SEPTIN9: variants seen among roughly 807,000 people sequenced by gnomAD.
The protein encoded by SEPTIN9 is septin 9, also known as septin-9.
In SEPTIN9, 13 loss-of-function variants were observed where a neutral mutation model predicts 56.6. The observed-to-expected ratio is 0.23, with a 90% CI of 0.15 to 0.37. The LOEUF is 0.37. Among genes scored for constraint, SEPTIN9 ranks in the 10% least tolerant of loss-of-function variants. The pLI, the probability that SEPTIN9 is intolerant of heterozygous loss-of-function variation, is 1.00. For missense variants in SEPTIN9, 650 were observed against 823.1 expected (o/e 0.79, Z 2.57); for synonymous variants, 332 against 334.1 (o/e 0.99, Z 0.07).
chr17:77,325,397 C>T (rs2143680091), intron 2 of SEPTIN9, among the ~76,000 whole-genome samples: 1 of 152,304 alleles, frequency 6.6e-6, no homozygotes, highest in South Asian at 2.1e-4. Context: ...CAGCTGGTTC[C>T]GCTGGGTGGC....
At chr17:77,386,654 G>A (rs1470177068) in intron 2 of SEPTIN9, among the ~76,000 whole-genome samples, 1 of 152,188 alleles carries the variant, frequency 6.6e-6, no homozygotes, top group Admixed American at 6.5e-5. Context: ...GCCTGGGAGG[G>A]GCTAGTTGTC....
intron 2 of SEPTIN9, among the ~76,000 whole-genome samples, chr17:77,343,054 C>T (rs1322514253): frequency 7.3e-6 from 1 of 137,568 alleles, no homozygotes; most frequent in Non-Finnish European, 1.6e-5. Flanking sequence ...GTCTCTGTCC[C>T]CCAACTTTGT....
chr17:77,316,055 G>C (rs34065485), intron 2 of SEPTIN9, among the ~76,000 whole-genome samples: 2 of 152,080 alleles, frequency 1.3e-5, no homozygotes, highest in Non-Finnish European at 2.9e-5. Context: ...AACCAAGCCC[G>C]GCTCCCTCAC....
rs1288523185 is a variant in SEPTIN9, at chr17:77,493,038, G to A, written c.1535G>A (p.Arg512Lys). 6.4e-7 allele frequency: 1 copy of A among 1,566,358 alleles called. No individual in the cohort carries two copies. The highest frequency in any genetic ancestry group is 8.7e-7 in the Non-Finnish European group (1 of 1,155,898). The change falls in exon 10 of 12, where the codon AGG (arginine) becomes AAG (lysine). Residue 512 changes from arginine to lysine, a missense_variant. Physicochemically the swap from Arg to Lys is conservative, Grantham distance 26. Coordinates refer to ENST00000427177, the MANE Select transcript of SEPTIN9 (RefSeq NM_001113491.2). ...CACGAGTACCAGGTCAACGGCAAGA[G>A]GATCCTTGGGAGGAAGACCAAGTGG... ...SDHEYQVNGK[R>K]ILGRKTKWGT...
intron 2 of SEPTIN9, among the ~76,000 whole-genome samples, chr17:77,335,478 A>C (rs1230030167): frequency 6.6e-6 from 1 of 151,230 alleles, no homozygotes; most frequent in East Asian, 1.9e-4. Flanking sequence ...GTATATGTAC[A>C]TATATACATG....
intron 1 of SEPTIN9, among the ~76,000 whole-genome samples, chr17:77,287,567 G>A (rs1389015707): frequency 1.3e-5 from 2 of 152,222 alleles, no homozygotes; most frequent in South Asian, 2.1e-4. Flanking sequence ...TCTGCAGGGT[G>A]GCCTGGCCTT....
Position 77,499,833 on chromosome 17 carries a change from C to T in SEPTIN9, c.*1175C>T. The T allele has an allele frequency of 6.3e-6, 2 of 319,600 alleles. No homozygotes were observed. The highest frequency in any genetic ancestry group is 5.0e-5 in the South Asian group (1 of 20,088). 19.8% of individuals were successfully genotyped at this position (319,600 alleles called of 1,614,324 possible). On this transcript the variant is annotated 3_prime_UTR_variant, in exon 12 of 12. Transcript: ENST00000427177. ...GGCGAGCCTGACTCTGTTGATCTAC[C>T]CGTGCCTGGGCCCCTCCCCTCAGAG...
chr17:77,294,450 T>A (rs532197246), intron 1 of SEPTIN9: 73 of 159,186 alleles, frequency 4.6e-4, no homozygotes, highest in Non-Finnish European at 7.4e-4. Context: ...AGCGAATGAA[T>A]CTCCTTAGTT....
chr17:77,321,398 CTTT>C (rs770723911), intron 2 of SEPTIN9, among the ~76,000 whole-genome samples: 4 of 141,962 alleles, frequency 2.8e-5, no homozygotes, highest in African/African-American at 7.7e-5. Flanking sequence ...AGGGCCACAT[CTTT>C]TTTTTTTTTT....
chr17:77,498,698 A>G lies in SEPTIN9; in HGVS notation c.*40A>G. 4 of 1,257,926 alleles carry G rather than the reference A, an allele frequency of 3.2e-6. No homozygotes were observed. The highest frequency in any genetic ancestry group is 3.2e-6 in the Non-Finnish European group (3 of 925,552). 77.9% of individuals were successfully genotyped at this position (1,257,926 alleles called of 1,614,324 possible). On this transcript the variant is annotated 3_prime_UTR_variant, in exon 12 of 12. Transcript: ENST00000427177. Reference sequence around the variant, plus strand: ...ACCCCCGGGATCCTGCCCCCAAGTCATTTCCGTCCCCCCCCAGGCCCTCCC... The same window carrying G: ...ACCCCCGGGATCCTGCCCCCAAGTCGTTTCCGTCCCCCCCCAGGCCCTCCC...
At chr17:77,357,752 C>A (rs2034299201) in intron 2 of SEPTIN9, among the ~76,000 whole-genome samples, 1 of 152,098 alleles carries the variant, frequency 6.6e-6, no homozygotes, top group Admixed American at 6.6e-5. Context: ...GTAGCTGGGA[C>A]CGCAGGCATC....
Position 77,435,030 on chromosome 17 carries a change from C to A in SEPTIN9, c.721+32327C>A, listed in dbSNP as rs891298190. On this transcript the variant is annotated intron_variant, in intron 3 of 11. Coordinates refer to ENST00000427177, the MANE Select transcript of SEPTIN9 (RefSeq NM_001113491.2). This position sits in a 1 kb window ranked among gnomAD's most constrained non-coding sequence, Gnocchi z 4.5. ...GATGGTAACAAGGGCTTCCTGAGGACCCCGAGCTGTCTTAAGGGCTCTTTA... is the reference window on the plus strand; with the variant it reads ...GATGGTAACAAGGGCTTCCTGAGGAACCCGAGCTGTCTTAAGGGCTCTTTA... Among the ~76,000 whole-genome samples the A allele has an allele frequency of 6.6e-6, 1 of 152,144 alleles. No individual in the cohort carries two copies. Among genetic ancestry groups the A allele is most frequent in the Non-Finnish European group, 1.5e-5 (1 of 68,014 alleles).
rs934934493 is a variant in SEPTIN9, at chr17:77,315,761, G to A, written c.76+8564G>A. ...CGCCCTGCCAGGCCCAGCCTGTGCCGCTGAGCCCCACTTTGCAATTAAGAG... is the reference window on the plus strand; with the variant it reads ...CGCCCTGCCAGGCCCAGCCTGTGCCACTGAGCCCCACTTTGCAATTAAGAG... On this transcript the variant is annotated intron_variant, in intron 2 of 11. Coordinates refer to ENST00000427177, the MANE Select transcript of SEPTIN9 (RefSeq NM_001113491.2). Among the ~76,000 whole-genome samples the A allele has an allele frequency of 1.4e-4, 21 of 152,214 alleles. 1 individual carries two copies. The highest frequency in any genetic ancestry group is 1.1e-3 in the Admixed American group (17 of 15,280).
chr17:77,351,960 G>T (rs1598236149), intron 2 of SEPTIN9, among the ~76,000 whole-genome samples: 2 of 152,346 alleles, frequency 1.3e-5, no homozygotes, highest in East Asian at 3.9e-4. Flanking sequence ...GACCAGAGCC[G>T]GGGTGAGCAT....
chr17:77,380,070 G>A (rs985510811), intron 2 of SEPTIN9: 66 of 159,786 alleles, frequency 4.1e-4, no homozygotes, highest in African/African-American at 1.5e-3. Flanking sequence ...CCAGGCGCCT[G>A]GGGCATTTCT....
At chr17:77,328,109 G>A (rs887666812) in intron 2 of SEPTIN9, among the ~76,000 whole-genome samples, 3 of 146,060 alleles carry the variant, frequency 2.1e-5, no homozygotes, top group African/African-American at 5.1e-5. Flanking sequence ...GGGTGTCCCC[G>A]TACCCAGGGT....
intron 3 of SEPTIN9, among the ~76,000 whole-genome samples, chr17:77,462,687 G>T (rs1330076477): frequency 6.6e-6 from 1 of 152,092 alleles, no homozygotes; most frequent in Non-Finnish European, 1.5e-5. Flanking sequence ...TTTTGCCCAG[G>T]CTGGAGTGCA....
intron 3 of SEPTIN9, among the ~76,000 whole-genome samples, chr17:77,439,372 G>A (rs776371947): frequency 1.4e-4 from 22 of 152,164 alleles, no homozygotes; most frequent in Non-Finnish European, 3.1e-4. Flanking sequence ...AGCCCTGGGG[G>A]CCCCAGGGAC....
At chr17:77,281,820 A>C in intron 1 of SEPTIN9, 1 of 465,956 alleles carries the variant, frequency 2.1e-6, no homozygotes, top group Non-Finnish European at 3.8e-6. Flanking sequence ...CGCCCCTTGC[A>C]CCCTCGCAGG....
Sources: allele counts gnomAD v4.1 joint callset (sites outside exome capture counted in the v4.1 genomes callset), GRCh38; gene constraint gnomAD v4.1.1; non-coding constraint Gnocchi (gnomAD v3.1); transcripts MANE v1.5; gene names NCBI Gene and HGNC (gene_info 2026-07-23, HGNC 2026-07-21).